Variants in DLGAP1 observed in about 807,000 individuals in gnomAD.
DLGAP1 encodes disks large-associated protein 1.
DLGAP1 carries 11 observed loss-of-function variants against 90.8 expected under a neutral mutation model. The observed-to-expected ratio is 0.12, with a 90% confidence interval of 0.08 to 0.20. DLGAP1 has a LOEUF of 0.20. DLGAP1 is among the 10% of genes least tolerant of loss of function. The pLI is 1.00. For missense variants in DLGAP1, 1,050 were observed against 1,333.8 expected (o/e 0.79, Z 3.31); for synonymous variants, 558 against 540.7 (o/e 1.03, Z -0.44).
At position 3,727,518 on chromosome 18, in the gene DLGAP1, C is replaced by T. The variant is rs1336973964; in HGVS notation, c.1591+1617G>A. On this transcript the variant is annotated intron_variant, in intron 7 of 12. Transcript: ENST00000315677. This position sits in a 1 kb window ranked among gnomAD's most constrained non-coding sequence, Gnocchi z 4.7. ...ATCTGCATTTTACATATTTAAGGAG[C>T]GATTTCAGCTGGCAGGCAATGAGTT... 2.6e-5 allele frequency among the ~76,000 whole-genome samples: 4 copies of T among 151,986 alleles called. No homozygotes were observed. Among genetic ancestry groups the T allele is most frequent in the South Asian group, 2.1e-4 (1 of 4,818 alleles).
At chr18:3,743,984 G>A (rs971289479) in intron 5 of DLGAP1, among the ~76,000 whole-genome samples, 67 of 152,216 alleles carry the variant, frequency 4.4e-4, no homozygotes, top group African/African-American at 1.5e-3. Flanking sequence ...TTTTCACATG[G>A]TATTAGTGCG....
chr18:3,630,473 T>C (rs1007839167), intron 7 of DLGAP1, among the ~76,000 whole-genome samples: 2 of 152,186 alleles, frequency 1.3e-5, no homozygotes, highest in African/African-American at 2.4e-5. Context: ...CCTCTATAAC[T>C]GTGTGCCCCA....
At chr18:3,527,410 C>CGGTTTT (rs1555668847) in intron 10 of DLGAP1, among the ~76,000 whole-genome samples, 2 of 100,694 alleles carry the variant, frequency 2.0e-5, no homozygotes, top group Admixed American at 2.4e-4. Flanking sequence ...ATTTTCCAAA[C>CGGTTTT]TTTTTTTTTT....
rs542202307 is a variant in DLGAP1 at position 4,000,833 on chromosome 18, A to G, written c.-73+4283T>C. Among the ~76,000 whole-genome samples, 8 of 152,328 alleles carry G rather than the reference A, an allele frequency of 5.3e-5. No homozygotes were observed. The East Asian group carries it at 1.5e-3, about 29-fold the overall frequency. On this transcript the variant is annotated intron_variant, in intron 3 of 12. Coordinates refer to ENST00000315677, the MANE Select transcript of DLGAP1 (RefSeq NM_004746.4). Reference sequence around the variant, plus strand: ...ATATTGACTTTTTAACTAGTGCCAAAAAAACCTTTTTTCTTTTTATTTAAA... The same window carrying G: ...ATATTGACTTTTTAACTAGTGCCAAGAAAACCTTTTTTCTTTTTATTTAAA...
chr18:4,068,190 C>T (rs1344417839), intron 2 of DLGAP1, among the ~76,000 whole-genome samples: 1 of 151,652 alleles, frequency 6.6e-6, no homozygotes, highest in Admixed American at 6.6e-5. Context: ...TCAATCATTG[C>T]CTCCTCAATG....
chr18:3,738,482 C>G (rs2062754479), intron 6 of DLGAP1, among the ~76,000 whole-genome samples: 1 of 148,710 alleles, frequency 6.7e-6, no homozygotes. Flanking sequence ...ATATCTACAA[C>G]TATCTGATCT....
At chr18:3,772,347 TC>T (rs1568108538) in intron 5 of DLGAP1, among the ~76,000 whole-genome samples, 647 of 3,414 alleles carry the variant, frequency 0.19, 28 homozygotes, top group African/African-American at 0.29. Context: ...TCTCTCTCTC[TC>T]TTTCTTTCTT....
chr18:4,015,261 T>C (rs2074502001), intron 2 of DLGAP1, among the ~76,000 whole-genome samples: 1 of 152,158 alleles, frequency 6.6e-6, no homozygotes, highest in Non-Finnish European at 1.5e-5. Flanking sequence ...CTGTCCATGA[T>C]GAAAAATAGG....
chr18:4,270,386 C>T (rs934143728), intron 1 of DLGAP1, among the ~76,000 whole-genome samples: 2 of 152,178 alleles, frequency 1.3e-5, no homozygotes, highest in Non-Finnish European at 2.9e-5. Context: ...GTCTCTCCCA[C>T]TAGCTCAAAT....
At chr18:4,089,499 T>A (rs1207286596) in intron 2 of DLGAP1, among the ~76,000 whole-genome samples, 1 of 151,688 alleles carries the variant, frequency 6.6e-6, no homozygotes, top group Non-Finnish European at 1.5e-5. Context: ...GCCAAGACAA[T>A]CCTAAGCAAA....
At chr18:3,978,153 G>A (rs919941792) in intron 3 of DLGAP1, 3 of 451,788 alleles carry the variant, frequency 6.6e-6, no homozygotes, top group Non-Finnish European at 1.3e-5. Flanking sequence ...GACCTTGGCT[G>A]GTGGGGGGCA....
chr18:4,322,577 TA>T (rs2080718466), intron 1 of DLGAP1, among the ~76,000 whole-genome samples: 1 of 152,160 alleles, frequency 6.6e-6, no homozygotes, highest in Admixed American at 6.5e-5. Context: ...TCCACAACAG[TA>T]ATCTGGGCAA....
At chr18:3,789,912 C>A (rs562656570) in intron 5 of DLGAP1, among the ~76,000 whole-genome samples, 186 of 152,212 alleles carry the variant, frequency 1.2e-3, no homozygotes, top group Non-Finnish European at 1.9e-3. Context: ...TGGTCAGAAG[C>A]TATGTTTTAG....
intron 5 of DLGAP1, among the ~76,000 whole-genome samples, chr18:3,808,299 A>G (rs1435387253): frequency 6.6e-6 from 1 of 151,686 alleles, no homozygotes; most frequent in East Asian, 1.9e-4. Context: ...GGATAATAGA[A>G]GAAAGTATTA....
chr18:3,824,100 G>A (rs1308750126), intron 4 of DLGAP1, among the ~76,000 whole-genome samples: 1 of 151,676 alleles, frequency 6.6e-6, no homozygotes, highest in Non-Finnish European at 1.5e-5. Flanking sequence ...AGGCATATCT[G>A]TTGGCTTGGA....
intron 1 of DLGAP1, among the ~76,000 whole-genome samples, chr18:4,438,903 G>A (rs1419802804): frequency 1.3e-5 from 2 of 150,874 alleles, no homozygotes; most frequent in Non-Finnish European, 3.0e-5. Context: ...GATGACCCCT[G>A]TCAATTGATA....
chr18:3,583,191 T>G, intron 7 of DLGAP1, among the ~76,000 whole-genome samples: 2 of 147,384 alleles, frequency 1.4e-5, no homozygotes, highest in East Asian at 2.1e-4. Context: ...CCTACCTTCC[T>G]TCCTTCCTTC....
intron 5 of DLGAP1, among the ~76,000 whole-genome samples, chr18:3,776,721 T>A (rs1203812734): frequency 6.6e-6 from 1 of 152,218 alleles, no homozygotes; most frequent in African/African-American, 2.4e-5. Flanking sequence ...GCTCAGTTGC[T>A]ATTTAAAAAA....
intron 7 of DLGAP1, among the ~76,000 whole-genome samples, chr18:3,712,954 A>C (rs2061643874): frequency 6.6e-6 from 1 of 152,180 alleles, no homozygotes; most frequent in Non-Finnish European, 1.5e-5. Context: ...TATCCTTCAG[A>C]TGTGTTCAGA....
Sources: gnomAD v4.1 joint callset for allele counts (sites outside exome capture counted in the v4.1 genomes callset) on GRCh38, gnomAD v4.1.1 for gene constraint, Gnocchi (gnomAD v3.1) non-coding constraint, MANE v1.5 for transcripts, NCBI Gene and HGNC (gene_info 2026-07-23, HGNC 2026-07-21) for gene names.